ITGA6: variants seen among roughly 807,000 people sequenced by gnomAD.
ITGA6 encodes the protein integrin subunit alpha 6, also known as integrin alpha-6.
In ITGA6, 63 loss-of-function variants were observed where a neutral mutation model predicts 133.6. The observed-to-expected ratio is 0.47, with a 90% confidence interval of 0.38 to 0.58. The LOEUF (loss-of-function observed/expected upper bound fraction) is 0.58. ITGA6 is among the 20% of genes least tolerant of loss of function. The pLI, the probability that ITGA6 is intolerant of heterozygous loss-of-function variation, is 0.00. For missense variants in ITGA6, 1,068 were observed against 1,309.4 expected (o/e 0.82, Z 2.85); for synonymous variants, 434 against 482.0 (o/e 0.90, Z 1.30).
intron 1 of ITGA6, among the ~76,000 whole-genome samples, chr2:172,441,252 T>C (rs1468345380): frequency 3.9e-5 from 6 of 152,180 alleles, no homozygotes; most frequent in Non-Finnish European, 4.4e-5. Flanking sequence ...ATAAATATTA[T>C]CTATCTATTA....
chr2:172,503,845 TTATAAAA>T, intron 25 of ITGA6: 1 of 292,924 alleles, frequency 3.4e-6, no homozygotes, highest in Non-Finnish European at 6.3e-6. Flanking sequence ...CCTACATTTG[TTATAAAA>T]TGTAAAGAGA....
At chr2:172,447,847 T>C (rs921110293) in intron 1 of ITGA6, among the ~76,000 whole-genome samples, 1 of 151,640 alleles carries the variant, frequency 6.6e-6, no homozygotes, top group African/African-American at 2.4e-5. Context: ...TTCACATTTT[T>C]TCCCCCGGTA....
At chr2:172,489,170 A>G (rs1196273934) in intron 19 of ITGA6, among the ~76,000 whole-genome samples, 1 of 152,198 alleles carries the variant, frequency 6.6e-6, no homozygotes, top group Non-Finnish European at 1.5e-5. Flanking sequence ...GCAGTTCACA[A>G]ATTCACACAT....
chr2:172,443,357 C>T (rs1321350627), intron 1 of ITGA6, among the ~76,000 whole-genome samples: 3 of 152,136 alleles, frequency 2.0e-5, no homozygotes, highest in Admixed American at 6.6e-5. Flanking sequence ...AATCCTTCGC[C>T]GTTAAAAGCA....
chr2:172,476,730 A>C (rs1686191247), intron 9 of ITGA6, among the ~76,000 whole-genome samples: 1 of 152,184 alleles, frequency 6.6e-6, no homozygotes, highest in South Asian at 2.1e-4. Context: ...CCAAGTTAGA[A>C]TTTTTACTTC....
At chr2:172,489,892 A>T (rs1041609119) in intron 20 of ITGA6, 2 of 476,894 alleles carry the variant, frequency 4.2e-6, no homozygotes, top group African/African-American at 3.9e-5. Flanking sequence ...TGCTGAGGCA[A>T]ATGGTATTTT....
At chr2:172,449,606 A>G (rs150510682) in intron 1 of ITGA6, among the ~76,000 whole-genome samples, 19 of 152,258 alleles carry the variant, frequency 1.2e-4, no homozygotes, top group Non-Finnish European at 2.5e-4. Flanking sequence ...GGGGTGATTT[A>G]GAGAAAGCTG....
At position 172,476,382 on chromosome 2, in the gene ITGA6, C is replaced by T. The variant is rs753841858; in HGVS notation, c.1270-13C>T. On this transcript the variant is annotated splice_polypyrimidine_tract_variant and intron_variant, in intron 8 of 25. Coordinates refer to ENST00000684293, the MANE Select transcript of ITGA6 (RefSeq NM_000210.4). ...ATAACCTAATGTCCATTCGGATGCC[C>T]TGTGTATTTCAGGTTCTCAAGGGTA... 9.7e-6 allele frequency: 13 copies of T among 1,341,804 alleles called. No homozygotes were observed. In the African/African-American group the frequency reaches 1.0e-4, roughly 10 times the overall value. 83.1% of individuals were successfully genotyped at this position (1,341,804 alleles called of 1,614,324 possible).
At chr2:172,470,528 A>C (rs958647059) in intron 4 of ITGA6, among the ~76,000 whole-genome samples, 1 of 152,220 alleles carries the variant, frequency 6.6e-6, no homozygotes, top group African/African-American at 2.4e-5. Context: ...AATTGTAAGA[A>C]TTTTTAAAAG....
At chr2:172,459,733 A>G (rs1270845876) in intron 1 of ITGA6, among the ~76,000 whole-genome samples, 2 of 152,236 alleles carry the variant, frequency 1.3e-5, no homozygotes, top group Non-Finnish European at 2.9e-5. Flanking sequence ...TATTTAAGAA[A>G]GTAATTCAAA....
chr2:172,467,923 G>A (rs1283518792), intron 3 of ITGA6, among the ~76,000 whole-genome samples: 2 of 151,790 alleles, frequency 1.3e-5, no homozygotes, highest in African/African-American at 4.8e-5. Flanking sequence ...GGAGGTGGAG[G>A]TTGCAAGAGC....
chr2:172,445,287 G>T (rs1684711197), intron 1 of ITGA6, among the ~76,000 whole-genome samples: 1 of 148,314 alleles, frequency 6.7e-6, no homozygotes, highest in African/African-American at 2.5e-5. Context: ...TTTGTAAATT[G>T]CCTTTGTTGT....
At chr2:172,431,837 T>TG (rs1285890338) in intron 1 of ITGA6, among the ~76,000 whole-genome samples, 4 of 151,984 alleles carry the variant, frequency 2.6e-5, no homozygotes, top group African/African-American at 4.8e-5. Context: ...ATGACAGGGT[T>TG]GGGGAAAAAA....
intron 25 of ITGA6, 128 bp downstream of exon 25, chr2:172,502,029 C>T (rs1687370542): frequency 2.4e-6 from 2 of 817,020 alleles, no homozygotes; most frequent in East Asian, 2.8e-5. Context: ...CACTGGCTTG[C>T]CTTGCTTGGA....
intron 23 of ITGA6, 88 bp from the exon 24 acceptor site, chr2:172,497,887 T>C: frequency 3.5e-6 from 5 of 1,437,230 alleles, no homozygotes; most frequent in African/African-American, 1.4e-5. Context: ...GTCCAAAATA[T>C]ATTCAAAAGC....
At chr2:172,472,656 C>A (rs1331285951) in intron 5 of ITGA6, 2 of 662,362 alleles carry the variant, frequency 3.0e-6, no homozygotes, top group East Asian at 5.3e-5. Context: ...GCAATGAGAG[C>A]AGCTTGCCGG....
intron 1 of ITGA6, among the ~76,000 whole-genome samples, chr2:172,447,282 G>A (rs902019926): frequency 6.6e-6 from 1 of 152,108 alleles, no homozygotes; most frequent in Non-Finnish European, 1.5e-5. Context: ...GTGCAGTGGT[G>A]TGATCTCCGC....
Position 172,491,335 on chromosome 2 carries a change from T to C in ITGA6, c.2889+4T>C, listed in dbSNP as rs1686919646. 4.4e-6 allele frequency: 7 copies of C among 1,598,578 alleles called. No individual in the cohort carries two copies. The highest frequency in any genetic ancestry group is 6.0e-6 in the Non-Finnish European group (7 of 1,165,808). ...ATGGAACAGCACATTTCTAGAGGTA[T>C]GACCTTGGCTTGAGGCTGTCCCATG... On this transcript the variant is annotated splice_donor_region_variant and intron_variant, in intron 22 of 25. Coordinates refer to ENST00000684293, the MANE Select transcript of ITGA6 (RefSeq NM_000210.4). This position sits in a 1 kb window ranked among gnomAD's most constrained non-coding sequence, Gnocchi z 4.4.
chr2:172,431,741 C>T (rs940733860), intron 1 of ITGA6, among the ~76,000 whole-genome samples: 6 of 152,082 alleles, frequency 3.9e-5, no homozygotes, highest in Non-Finnish European at 7.4e-5. Context: ...AAACGGGCAG[C>T]GAGACTTACA....
Sources: gnomAD v4.1 joint callset for allele counts (sites outside exome capture counted in the v4.1 genomes callset) on GRCh38, gnomAD v4.1.1 for gene constraint, Gnocchi (gnomAD v3.1) non-coding constraint, MANE v1.5 for transcripts, NCBI Gene and HGNC (gene_info 2026-07-23, HGNC 2026-07-21) for gene names.